The following GRIK1 variants were observed in gnomAD, a reference collection of about 807,000 sequenced individuals.
GRIK1 encodes glutamate receptor ionotropic, kainate 1.
GRIK1 carries 69 observed loss-of-function variants against 105.7 expected under a neutral mutation model. That is an observed-to-expected ratio of 0.65 (90% confidence interval 0.54 to 0.80). GRIK1 has a LOEUF of 0.80. Among genes scored for constraint, GRIK1 ranks in the 30% least tolerant of loss-of-function variants. The probability of loss-of-function intolerance (pLI) is 0.00; values close to 1 mark genes in which losing one functional copy is unlikely to be tolerated. For synonymous variants in GRIK1, 438 were observed against 431.3 expected, an observed-to-expected ratio of 1.02 and a Z score of -0.19; for missense variants, 1,109 against 1,167.3, an observed-to-expected ratio of 0.95 and a Z score of 0.73.
intron 11 of GRIK1, among the ~76,000 whole-genome samples, chr21:29,588,315 T>A (rs532572933): frequency 1.9e-4 from 29 of 152,352 alleles, no homozygotes; most frequent in African/African-American, 5.8e-4. Context: ...GGTTTGGTTC[T>A]GTGTCCCCAC....
Position 29,590,396 on chromosome 21 carries a change from G to A in GRIK1, c.1365+716C>T, listed in dbSNP as rs560950388. Among the ~76,000 whole-genome samples the A allele has an allele frequency of 3.3e-5, 5 of 152,348 alleles. No individual in the cohort carries two copies. The South Asian group carries it at 1.0e-3, about 32-fold the overall frequency. ...CCCAACTCCCTGGAGAAAGGAAAAA[G>A]CGGAAAATAAGCAACCGGTAGCTGT... On this transcript the variant is annotated intron_variant, in intron 10 of 17. Transcript: ENST00000327783.
At chr21:29,900,458 G>GAAAAAAAAAAAAA (rs2070353501) in intron 1 of GRIK1, among the ~76,000 whole-genome samples, 2 of 70,950 alleles carry the variant, frequency 2.8e-5, no homozygotes, top group Non-Finnish European at 5.0e-5. Flanking sequence ...CAAATGGAAA[G>GAAAAAAAAAAAAA]CAAGAAAAAA....
At chr21:29,594,553 C>T (rs2061376941) in intron 9 of GRIK1, among the ~76,000 whole-genome samples, 1 of 152,180 alleles carries the variant, frequency 6.6e-6, no homozygotes, top group South Asian at 2.1e-4. Context: ...TTACCTGGCC[C>T]TGATTTCTTT....
intron 7 of GRIK1, among the ~76,000 whole-genome samples, chr21:29,614,102 C>A (rs1230545078): frequency 6.6e-6 from 1 of 152,104 alleles, no homozygotes. Context: ...TTTTTTCCCC[C>A]ATCGTTTCCT....
At chr21:29,887,025 T>C (rs1026846150) in intron 1 of GRIK1, among the ~76,000 whole-genome samples, 1 of 152,226 alleles carries the variant, frequency 6.6e-6, no homozygotes, top group East Asian at 1.9e-4. Flanking sequence ...TTTCTTCTCA[T>C]TTACTTTATT....
intron 7 of GRIK1, among the ~76,000 whole-genome samples, chr21:29,603,392 C>T (rs1004650322): frequency 1.3e-5 from 2 of 151,684 alleles, no homozygotes; most frequent in African/African-American, 4.8e-5. Context: ...GAGTTTATTG[C>T]CAAGGGAGAC....
chr21:29,897,352 G>T (rs139359939), intron 1 of GRIK1, among the ~76,000 whole-genome samples: 2 of 152,146 alleles, frequency 1.3e-5, no homozygotes, highest in Non-Finnish European at 2.9e-5. Flanking sequence ...TGATCCTGAC[G>T]TTGAAATATT....
intron 4 of GRIK1, among the ~76,000 whole-genome samples, chr21:29,672,532 C>T (rs1005548018): frequency 6.6e-6 from 1 of 152,024 alleles, no homozygotes; most frequent in Non-Finnish European, 1.5e-5. Context: ...TGTAACTGTC[C>T]CTGTATACCT....
intron 1 of GRIK1, among the ~76,000 whole-genome samples, chr21:29,880,632 G>C (rs1429714262): frequency 1.3e-5 from 2 of 152,142 alleles, no homozygotes; most frequent in African/African-American, 4.8e-5. Context: ...TAAATGTGCA[G>C]ATTGCCAAGT....
chr21:29,917,436 A>G (rs2071035629), intron 1 of GRIK1, among the ~76,000 whole-genome samples: 1 of 152,034 alleles, frequency 6.6e-6, no homozygotes, highest in Non-Finnish European at 1.5e-5. Flanking sequence ...TTTTAAACAT[A>G]ACAATTTATG....
chr21:29,627,647 C>A (rs189842139), intron 7 of GRIK1, among the ~76,000 whole-genome samples: 1 of 152,182 alleles, frequency 6.6e-6, no homozygotes, highest in Non-Finnish European at 1.5e-5. Flanking sequence ...AGTTCTTACA[C>A]CTCAGTTCAA....
At chr21:29,757,076 C>A (rs1438074254) in intron 1 of GRIK1, among the ~76,000 whole-genome samples, 1 of 151,974 alleles carries the variant, frequency 6.6e-6, no homozygotes, top group East Asian at 1.9e-4. Flanking sequence ...AAGATCGCAC[C>A]ATTGCACTCC....
intron 7 of GRIK1, among the ~76,000 whole-genome samples, chr21:29,599,504 C>T (rs544032458): frequency 6.6e-6 from 1 of 152,322 alleles, no homozygotes; most frequent in South Asian, 2.1e-4. Context: ...TTATGGAGGC[C>T]TGAAATCCAA....
At chr21:29,573,721 C>A (rs1170903822) in intron 14 of GRIK1, among the ~76,000 whole-genome samples, 1 of 152,056 alleles carries the variant, frequency 6.6e-6, no homozygotes, top group South Asian at 2.1e-4. Flanking sequence ...TGGTAGCATG[C>A]ACCTGTAATC....
chr21:29,837,361 G>A (rs2145987432), intron 1 of GRIK1, among the ~76,000 whole-genome samples: 1 of 152,268 alleles, frequency 6.6e-6, no homozygotes, highest in African/African-American at 2.4e-5. Context: ...TCTTCCGAAA[G>A]CCTTTAGCAG....
chr21:29,662,699 A>T (rs557226095), intron 4 of GRIK1, among the ~76,000 whole-genome samples: 1 of 152,152 alleles, frequency 6.6e-6, no homozygotes, highest in East Asian at 1.9e-4. Flanking sequence ...TAAAGTCTTC[A>T]TGAGTCTGGG....
chr21:29,647,641 G>T (rs1220106091), intron 6 of GRIK1, among the ~76,000 whole-genome samples: 1 of 152,106 alleles, frequency 6.6e-6, no homozygotes, highest in Non-Finnish European at 1.5e-5. Context: ...CACAATTTTG[G>T]TCCACTGAGA....
At chr21:29,695,326 C>T (rs1371569668) in intron 1 of GRIK1, among the ~76,000 whole-genome samples, 1 of 152,152 alleles carries the variant, frequency 6.6e-6, no homozygotes, top group Non-Finnish European at 1.5e-5. Context: ...ATTTAAGTTA[C>T]TCCTTGATTG....
intron 9 of GRIK1, among the ~76,000 whole-genome samples, chr21:29,593,149 TC>T (rs1213500848): frequency 6.6e-6 from 1 of 152,174 alleles, no homozygotes; most frequent in Non-Finnish European, 1.5e-5. Context: ...CAGTTTTATT[TC>T]CTATACTTAA....
Sources: gnomAD v4.1 joint callset for allele counts (sites outside exome capture counted in the v4.1 genomes callset) on GRCh38, gnomAD v4.1.1 for gene constraint, MANE v1.5 for transcripts, NCBI Gene and HGNC (gene_info 2026-07-23, HGNC 2026-07-21) for gene names.